The following SGO1 variants were observed in gnomAD, a reference collection of about 807,000 sequenced individuals.
SGO1 encodes the protein serologically defined breast cancer antigen NY-BR-85.
In SGO1, 39 loss-of-function variants were observed where a neutral mutation model predicts 50.5. That is an observed-to-expected ratio of 0.77 (90% CI 0.60 to 1.01). SGO1 has a LOEUF of 1.01. Among genes scored for constraint, SGO1 ranks in the 50% least tolerant of loss-of-function variants. The probability of loss-of-function intolerance (pLI) is 0.00; values close to 1 mark genes in which losing one functional copy is unlikely to be tolerated. For synonymous variants in SGO1, 191 were observed against 205.1 expected, an observed-to-expected ratio of 0.93 and a Z score of 0.59; for missense variants, 638 against 606.0, an observed-to-expected ratio of 1.05 and a Z score of -0.55.
At chr3:20,184,150 A>T (rs1702356751) in intron 1 of SGO1, 116 bp from the exon 2 acceptor site, 3 of 705,644 alleles carry the variant, frequency 4.3e-6, no homozygotes, top group Non-Finnish European at 4.2e-6. Flanking sequence ...ATTAGCTCAA[A>T]GTAGATAGTT....
intron 6 of SGO1, among the ~76,000 whole-genome samples, 161 bp downstream of exon 6, chr3:20,174,088 C>T (rs1701079819): frequency 6.6e-6 from 1 of 152,146 alleles, no homozygotes; most frequent in African/African-American, 2.4e-5. Flanking sequence ...CCACACCCAG[C>T]CCCCCACTGT....
rs1700527346 is a variant in SGO1 at position 20,169,726 on chromosome 3, AC to A, written c.*977del. Reference sequence around the variant, plus strand: ...TAATTTTATGGAGACATCACTCTGAACATACAATTAGAGCTTGGGGTTCACA... The same window carrying A: ...TAATTTTATGGAGACATCACTCTGAAATACAATTAGAGCTTGGGGTTCACA... On this transcript the variant is annotated 3_prime_UTR_variant, in exon 8 of 8. Transcript: ENST00000412997. The A allele has an allele frequency of 1.1e-6, 1 of 902,584 alleles. No homozygotes were observed. The highest frequency in any genetic ancestry group is 1.3e-6 in the Non-Finnish European group (1 of 754,716). The allele number at this position is 902,584 out of a possible 1,614,324, so 55.9% of individuals were successfully genotyped here. A position where few individuals can be genotyped will look rare whatever the true frequency, so the allele number is the denominator to read the frequency against.
downstream of SGO1, among the ~76,000 whole-genome samples, chr3:20,167,346 G>A (rs1187196458): frequency 3.3e-5 from 5 of 152,166 alleles, no homozygotes; most frequent in South Asian, 4.1e-4. Context: ...GGTGGTAGAC[G>A]ATACTAATAT....
chr3:20,168,440 T>TC (rs1700418194), downstream of SGO1, among the ~76,000 whole-genome samples: 1 of 151,454 alleles, frequency 6.6e-6, no homozygotes, highest in African/African-American at 2.4e-5. Flanking sequence ...TTTTTTTTTT[T>TC]TTTCAACTAT....
rs1700551882 is a variant in SGO1, at chr3:20,170,025, T to A, written c.*679A>T. The stretch of plus-strand genomic sequence containing the variant: ...AATCATTCACTTTAGTATCCCCTAC[T>A]TAAGGGAAAAATAGAGATGCCAGAA... On this transcript the variant is annotated 3_prime_UTR_variant, in exon 8 of 8. Coordinates refer to ENST00000412997, the MANE Select transcript of SGO1 (RefSeq NM_001199251.3). 1 of 984,918 alleles carries A rather than the reference T, an allele frequency of 1.0e-6. No homozygotes were observed. Among genetic ancestry groups the A allele is most frequent in the Non-Finnish European group, 1.2e-6 (1 of 829,590 alleles). 61.0% of individuals were successfully genotyped at this position (984,918 alleles called of 1,614,324 possible).
At chr3:20,164,233 G>A (rs1700184184) in intron 8 of SGO1, among the ~76,000 whole-genome samples, 1 of 152,078 alleles carries the variant, frequency 6.6e-6, no homozygotes, top group Non-Finnish European at 1.5e-5. Context: ...ATGATGTTAT[G>A]ACCGAGTGAT....
chr3:20,172,854 T>A (rs1243637139), intron 6 of SGO1, among the ~76,000 whole-genome samples: 1 of 144,492 alleles, frequency 6.9e-6, no homozygotes, highest in Admixed American at 6.9e-5. Context: ...TAGTCCCAAG[T>A]ACTGGGGAGG....
exon 9 of SGO1, chr3:20,160,861 AC>A (rs1700003319): frequency 3.2e-6 from 1 of 317,000 alleles, no homozygotes; most frequent in African/African-American, 2.2e-5. Context: ...TCTCCAAGTG[AC>A]ACAACCAAAA....
chr3:20,170,656 C>T lies in SGO1; in HGVS notation c.*48G>A, dbSNP rs748447624. The T allele has an allele frequency of 2.7e-6, 4 of 1,501,616 alleles. No homozygotes were observed. Among genetic ancestry groups the T allele is most frequent in the Non-Finnish European group, 3.5e-6 (4 of 1,131,952 alleles). 93.0% of individuals were successfully genotyped at this position (1,501,616 alleles called of 1,614,324 possible). A position where few individuals can be genotyped will look rare whatever the true frequency, so the allele number is the denominator to read the frequency against. ...TACTCTTACAGATCCTCTCCTGAAGCAACAGAAAGAGGTGTAGATTGAATT... is the reference window on the plus strand; with the variant it reads ...TACTCTTACAGATCCTCTCCTGAAGTAACAGAAAGAGGTGTAGATTGAATT... On this transcript the variant is annotated 3_prime_UTR_variant, in exon 8 of 8. Transcript: ENST00000412997.
In SGO1 at chr3:20,171,067, T is replaced by C. The variant is rs1700673529; in HGVS notation, c.1448A>G (p.Asn483Ser). The change falls in exon 7 of 8, where the codon AAC becomes AGC. Residue 483 changes from asparagine (N) to serine (S), a missense_variant. Asn to Ser is a conservative substitution (Grantham distance 46). Coordinates refer to ENST00000412997, the MANE Select transcript of SGO1 (RefSeq NM_001199251.3). The part of the protein sequence containing the change: ...LPKRRCTASV[N>S]YKEPTLASKL... The stretch of plus-strand genomic sequence containing the variant: ...CGAAGCGAGGGTGGGCTCCTTATAG[T>C]TCACGCTGGCTGTGCACCTACGTTT... 13 of 1,598,398 alleles carry C rather than the reference T, an allele frequency of 8.1e-6. No individual in the cohort carries two copies. Among genetic ancestry groups the C allele is most frequent in the Non-Finnish European group, 1.1e-5 (13 of 1,176,056 alleles).
chr3:20,161,007 C>G (rs1161213279), exon 9 of SGO1: 13 of 1,557,020 alleles, frequency 8.3e-6, no homozygotes, highest in South Asian at 1.2e-5. Flanking sequence ...CCCTCCATCT[C>G]TCCCCCAACA....
rs1206575007 is a variant in SGO1 at position 20,174,363 on chromosome 3, G to C, written c.1168C>G (p.Gln390Glu). 6.2e-7 allele frequency: 1 copy of C among 1,614,070 alleles called. No individual in the cohort carries two copies. Among genetic ancestry groups the C allele is most frequent in the African/African-American group, 1.3e-5 (1 of 74,928 alleles). Residue 390 changes from glutamine to glutamate, a missense_variant, in exon 6 of 8, where the codon CAG becomes GAG. Gln to Glu is a conservative substitution (Grantham distance 29). Transcript: ENST00000412997. ...CTATCTGAATTGCTCGTGGGATTCT[G>C]AATGTACTTGCAAGTGGGCAAATAG... Reference protein sequence around the residue: ...DLYLPTCKYIQNPTSNSDRPV... With the variant: ...DLYLPTCKYIENPTSNSDRPV...
At chr3:20,177,043 T>C (rs1701479408) in intron 4 of SGO1, among the ~76,000 whole-genome samples, 1 of 152,244 alleles carries the variant, frequency 6.6e-6, no homozygotes, top group Non-Finnish European at 1.5e-5. Flanking sequence ...CTGTGATTTG[T>C]TGGTAATATA....
At position 20,174,570 on chromosome 3, in the gene SGO1, G is replaced by C. The variant is rs115863450; in HGVS notation, c.961C>G (p.Pro321Ala). The change falls in exon 6 of 8, where the codon CCC (proline) becomes GCC (alanine). Residue 321 changes from proline (P) to alanine (A), a missense_variant. Coordinates refer to ENST00000412997, the MANE Select transcript of SGO1 (RefSeq NM_001199251.3). ...ACAGATTTGTGCATTTTTTTTTGGGGAACAGTTTTTTTATTTTCGCTTTTA... is the reference window on the plus strand; with the variant it reads ...ACAGATTTGTGCATTTTTTTTTGGGCAACAGTTTTTTTATTTTCGCTTTTA... ...ENKSENKKTV[P>A]QKKMHKSVSS... 6 of 1,604,016 alleles carry C rather than the reference G, an allele frequency of 3.7e-6. No individual in the cohort carries two copies. Among genetic ancestry groups the C allele is most frequent in the Non-Finnish European group, 5.1e-6 (6 of 1,177,396 alleles).
At chr3:20,162,505 T>C (rs1033501399) in intron 8 of SGO1, among the ~76,000 whole-genome samples, 3 of 152,186 alleles carry the variant, frequency 2.0e-5, no homozygotes, top group Non-Finnish European at 4.4e-5. Flanking sequence ...AAGTTAACTC[T>C]TTAAAAGAAT....
intron 6 of SGO1, among the ~76,000 whole-genome samples, chr3:20,171,792 A>G (rs1575198797): frequency 1.3e-5 from 2 of 152,214 alleles, no homozygotes; most frequent in Admixed American, 1.3e-4. Flanking sequence ...ATTCTAAATA[A>G]CAGCCTCTGT....
Position 20,183,640 on chromosome 3 carries a change from G to C in SGO1, c.307C>G (p.Leu103Val). Residue 103 changes from leucine (L) to valine (V), a missense_variant, in exon 3 of 8, where the codon CTT becomes GTT. Physicochemically the swap from Leu to Val is conservative, Grantham distance 32. Coordinates refer to ENST00000412997, the MANE Select transcript of SGO1 (RefSeq NM_001199251.3). ...GGTTCTACTGTTTGTTGTGATGTAAGTTTTCCTTTCAATGCATATAGCTGA... is the reference window on the plus strand; with the variant it reads ...GGTTCTACTGTTTGTTGTGATGTAACTTTTCCTTTCAATGCATATAGCTGA... ...TCQLYALKGK[L>V]TSQQTVEPAQ... is the part of the protein sequence containing the mutation. 3 of 1,599,422 alleles carry C rather than the reference G, an allele frequency of 1.9e-6. No individual in the cohort carries two copies. The highest frequency in any genetic ancestry group is 2.6e-6 in the Non-Finnish European group (3 of 1,176,262).
rs114711704 is a variant in SGO1 at position 20,170,696 on chromosome 3, C to T, written c.*8G>A. 1.8e-3 allele frequency: 2,893 copies of T among 1,566,434 alleles called. 36 individuals carry two copies. In the African/African-American group the frequency reaches 0.031, roughly 17 times the overall value. On this transcript the variant is annotated 3_prime_UTR_variant, in exon 8 of 8. Coordinates refer to ENST00000412997, the MANE Select transcript of SGO1 (RefSeq NM_001199251.3). The stretch of plus-strand genomic sequence containing the variant: ...TAGATTGAATTTAAACAATATCCAA[C>T]AAAACCTTCATTGTATTTGTTTCAT...
Position 20,178,355 on chromosome 3 carries a change from T to C in SGO1, c.340-8A>G, listed in dbSNP as rs199918752. On this transcript the variant is annotated splice_polypyrimidine_tract_variant and splice_region_variant and intron_variant, in intron 3 of 7. Transcript: ENST00000412997. ...GGAACATATTTCCTGGTTCTGTTAA[T>C]GTATTAAAACAAAACACTGTTATAA... 3.8e-6 allele frequency: 6 copies of C among 1,596,198 alleles called. No individual in the cohort carries two copies. The highest frequency in any genetic ancestry group is 2.2e-5 in the East Asian group (1 of 44,730).
Sources: allele counts gnomAD v4.1 joint callset (sites outside exome capture counted in the v4.1 genomes callset), GRCh38; gene constraint gnomAD v4.1.1; transcripts MANE v1.5; gene names NCBI Gene and HGNC (gene_info 2026-07-23, HGNC 2026-07-21).